TUT4: variants seen among roughly 807,000 people sequenced by gnomAD.
TUT4 encodes terminal uridylyl transferase 4.
In TUT4, 36 loss-of-function variants were observed where a neutral mutation model predicts 192.2. The ratio of observed to expected loss-of-function variants is 0.19; its 90% CI spans 0.14 to 0.25. TUT4 has a LOEUF of 0.25. Among genes scored for constraint, TUT4 ranks in the 10% least tolerant of loss-of-function variants. The pLI, the probability that TUT4 is intolerant of heterozygous loss-of-function variation, is 1.00. For missense variants in TUT4, 1,493 were observed against 1,957.2 expected (o/e 0.76, Z 4.47); for synonymous variants, 618 against 666.0 (o/e 0.93, Z 1.11).
chr1:52,444,947 A>ATGTG (rs374574128), intron 24 of TUT4, among the ~76,000 whole-genome samples: 4 of 147,680 alleles, frequency 2.7e-5, no homozygotes, highest in Admixed American at 6.7e-5. Flanking sequence ...ATATACATGT[A>ATGTG]TGTGTATATA....
At chr1:52,456,315 A>G (rs1214351089) in intron 20 of TUT4, among the ~76,000 whole-genome samples, 4 of 145,514 alleles carry the variant, frequency 2.7e-5, no homozygotes, top group Non-Finnish European at 6.0e-5. Context: ...AGGCAAGAGA[A>G]TTGCTTTAAT....
intron 3 of TUT4, 51 bp downstream of exon 3, chr1:52,515,840 C>G: frequency 1.9e-6 from 3 of 1,604,990 alleles, no homozygotes; most frequent in Non-Finnish European, 2.6e-6. Context: ...TTGGGGAAAA[C>G]AGTTATGAAA....
At position 52,426,048 on chromosome 1, in the gene TUT4, C is replaced by A. The variant is rs560828921; in HGVS notation, c.4712-541G>T. Among the ~76,000 whole-genome samples, 8 of 152,258 alleles carry A rather than the reference C, an allele frequency of 5.3e-5. No homozygotes were observed. The East Asian group carries it at 1.5e-3, about 29-fold the overall frequency. ...ATATACATTTCAAAAAACCTTAGTA[C>A]ATCATGCAAAGGAACTTAAGATTTT... On this transcript the variant is annotated intron_variant, in intron 28 of 29. Transcript: ENST00000257177.
intron 2 of TUT4, among the ~76,000 whole-genome samples, chr1:52,524,066 A>G (rs1366736846): frequency 2.0e-5 from 3 of 152,244 alleles, no homozygotes; most frequent in Non-Finnish European, 2.9e-5. Context: ...ATATTTCTAA[A>G]CAATTAAAAC....
intron 8 of TUT4, 145 bp downstream of exon 8, chr1:52,490,587 C>A: frequency 1.8e-6 from 1 of 553,458 alleles, no homozygotes; most frequent in South Asian, 3.2e-5. Context: ...GGTAAGCTTG[C>A]TATTTTTAAT....
chr1:52,493,310 T>C (rs896271036), intron 7 of TUT4, among the ~76,000 whole-genome samples: 1 of 152,142 alleles, frequency 6.6e-6, no homozygotes, highest in Non-Finnish European at 1.5e-5. Flanking sequence ...CCCAAACGCC[T>C]GACCTCAGGT....
chr1:52,521,275 A>G (rs1276086855), intron 2 of TUT4, among the ~76,000 whole-genome samples: 1 of 152,214 alleles, frequency 6.6e-6, no homozygotes, highest in African/African-American at 2.4e-5. Context: ...AATAAATGAC[A>G]AAAAGAAAAA....
chr1:52,552,176 T>G (rs773469232), intron 1 of TUT4, among the ~76,000 whole-genome samples: 1 of 152,230 alleles, frequency 6.6e-6, no homozygotes, highest in Non-Finnish European at 1.5e-5. Context: ...CCCATTCAAG[T>G]ACGACTAGAA....
At chr1:52,485,719 A>G (rs1389237660) in intron 9 of TUT4, among the ~76,000 whole-genome samples, 4 of 152,082 alleles carry the variant, frequency 2.6e-5, no homozygotes, top group African/African-American at 7.2e-5. Flanking sequence ...AATTATGTGA[A>G]CAGACTTCCT....
rs1649559620 is a variant in TUT4 at position 52,425,495 on chromosome 1, C to T, written c.4724G>A (p.Arg1575Gln). The T allele has an allele frequency of 2.5e-6, 4 of 1,610,522 alleles. No individual in the cohort carries two copies. Among genetic ancestry groups the T allele is most frequent in the Non-Finnish European group, 2.5e-6 (3 of 1,178,378 alleles). Residue 1575 changes from arginine to glutamine, a missense_variant, in exon 29 of 30, where the codon CGA (arginine) becomes CAA (glutamine). Physicochemically the swap from Arg to Gln is conservative, Grantham distance 43. Transcript: ENST00000257177. ...CCAAGGAATTGGAGGAGTCAGTCCT[C>T]GAAAGCCTGGCTCTGCATTTCAACA... Reference protein sequence around the residue: ...GAVGNSEPGFRGLTPPIPWEH... With the variant: ...GAVGNSEPGFQGLTPPIPWEH...
chr1:52,429,540 C>CT (rs1197516257), intron 28 of TUT4, among the ~76,000 whole-genome samples: 4 of 144,726 alleles, frequency 2.8e-5, no homozygotes, highest in Admixed American at 2.7e-4. Flanking sequence ...CTGGACAACA[C>CT]TTTGAGACTT....
At chr1:52,435,957 G>A (rs1442502371) in intron 26 of TUT4, among the ~76,000 whole-genome samples, 1 of 151,868 alleles carries the variant, frequency 6.6e-6, no homozygotes, top group African/African-American at 2.4e-5. Context: ...CCTTTCTGCA[G>A]TAAGAATCTG....
At chr1:52,526,403 G>T in intron 1 of TUT4, 30 bp from the exon 2 acceptor site, 3 of 932,458 alleles carry the variant, frequency 3.2e-6, no homozygotes, top group Non-Finnish European at 2.8e-6. Context: ...AGAAAAATCT[G>T]TTATTTAAAA....
intron 2 of TUT4, 124 bp from the exon 3 acceptor site, chr1:52,516,178 AGT>A: frequency 3.7e-6 from 3 of 812,078 alleles, no homozygotes; most frequent in Non-Finnish European, 5.7e-6. Flanking sequence ...TCCTTAGGAA[AGT>A]ATACAAGTTG....
rs1483207249 is a variant in TUT4 at position 52,490,712 on chromosome 1, T to C, written c.1388+20A>G. ...GTTGGGGTTTGTTTTTTTAAATATTTTATCTTCATTGTTACCAACCTTTTT... is the reference window on the plus strand; with the variant it reads ...GTTGGGGTTTGTTTTTTTAAATATTCTATCTTCATTGTTACCAACCTTTTT... On this transcript the variant is annotated intron_variant, in intron 8 of 29. Coordinates refer to ENST00000257177, the MANE Select transcript of TUT4 (RefSeq NM_001009881.3). 1 of 1,588,092 alleles carries C rather than the reference T, an allele frequency of 6.3e-7. No individual in the cohort carries two copies.
intron 16 of TUT4, chr1:52,462,590 T>C (rs534609652): frequency 7.3e-5 from 25 of 343,394 alleles, no homozygotes; most frequent in African/African-American, 5.1e-4. Context: ...CATAAACTCC[T>C]GTCCTGCAGA....
intron 3 of TUT4, chr1:52,515,113 GT>G (rs1352154691): frequency 1.3e-5 from 2 of 152,028 alleles, no homozygotes; most frequent in African/African-American, 4.8e-5. Context: ...ACCTAGCAGT[GT>G]TTTTATTGAG....
At position 52,497,024 on chromosome 1, in the gene TUT4, T is replaced by C. The variant is rs1347978870; in HGVS notation, c.1159A>G (p.Ile387Val). The change falls in exon 5 of 30, where the codon ATA (isoleucine) becomes GTA (valine). Residue 387 changes from isoleucine to valine, a missense_variant. Around this residue, in one of 7 missense-constraint regions of TUT4, gnomAD observed 437 missense variants for 577.6 expected, o/e 0.76. Coordinates refer to ENST00000257177, the MANE Select transcript of TUT4 (RefSeq NM_001009881.3). ...TTTCTACCTGGTAAAAATGTCGTTA[T>C]AACCTTTGACATTTCCTCCACAATT... The part of the protein sequence containing the change: ...QEIVEEMSKV[I>V]TTFLPECSLR... 1.2e-6 allele frequency: 2 copies of C among 1,612,906 alleles called. No homozygotes were observed. The highest frequency in any genetic ancestry group is 2.2e-5 in the East Asian group (1 of 44,862).
chr1:52,541,540 AAAAG>A (rs1459411453), intron 1 of TUT4, among the ~76,000 whole-genome samples: 3 of 152,226 alleles, frequency 2.0e-5, no homozygotes, highest in African/African-American at 7.2e-5. Flanking sequence ...TCAAAAAAAA[AAAAG>A]AAAGAAACTC....
Sources: gnomAD v4.1 joint callset for allele counts (sites outside exome capture counted in the v4.1 genomes callset) on GRCh38, gnomAD v4.1.1 for gene constraint, gnomAD v4.1.1 regional missense constraint, MANE v1.5 for transcripts, NCBI Gene and HGNC (gene_info 2026-07-23, HGNC 2026-07-21) for gene names.